The following CHRDL1 variants were observed in gnomAD, a reference collection of about 807,000 sequenced individuals.
CHRDL1 encodes chordin-like protein 1.
CHRDL1 carries 19 observed loss-of-function variants against 40.9 expected under a neutral mutation model. That is an observed-to-expected ratio of 0.46 (90% CI 0.32 to 0.68). The LOEUF is 0.68. Ranked by LOEUF, CHRDL1 falls within the 30% of genes least tolerant of loss-of-function variation. The pLI is 0.03. For synonymous variants in CHRDL1, 136 were observed against 123.4 expected (o/e 1.10, Z -0.68); for missense variants, 329 against 352.1 (o/e 0.93, Z 0.53).
chrX:110,784,531 C>CTGAGTAG (rs2089988261), intron 2 of CHRDL1, among the ~76,000 whole-genome samples: 3 of 109,744 alleles, frequency 2.7e-5, no homozygotes, highest in Non-Finnish European at 3.8e-5. Context: ...CCTGCCTCAG[C>CTGAGTAG]CTCCCGAGTA....
chrX:110,718,976 C>T (rs2070894974), intron 6 of CHRDL1, among the ~76,000 whole-genome samples: 1 of 111,544 alleles, frequency 9.0e-6, no homozygotes, highest in African/African-American at 3.3e-5. Flanking sequence ...GTAAGGGAAT[C>T]CTTTTTGTAA....
intron 10 of CHRDL1, 38 bp downstream of exon 10, chrX:110,681,444 C>T: frequency 8.8e-7 from 1 of 1,141,393 alleles, no homozygotes; most frequent in Non-Finnish European, 1.2e-6. Flanking sequence ...TTTCTGTGCC[C>T]CCTTACAAAG....
Position 110,792,215 on chromosome X carries a change from G to T in CHRDL1, c.-34C>A. 1.1e-6 allele frequency: 1 copy of T among 887,414 alleles called. No homozygotes were observed. Among genetic ancestry groups the T allele is most frequent in the Non-Finnish European group, 1.6e-6 (1 of 615,106 alleles). 73.1% of individuals were successfully genotyped at this position (887,414 alleles called of 1,213,427 possible). A position where few individuals can be genotyped will look rare whatever the true frequency, so the allele number is the denominator to read the frequency against. ...CTGCAAAAGGTGACAGAACCTTCAA[G>T]CTGTTGGGAAGAAAGCAGAAAAAAG... On this transcript the variant is annotated splice_region_variant and 5_prime_UTR_variant, in exon 2 of 12. Coordinates refer to ENST00000372042, the MANE Select transcript of CHRDL1 (RefSeq NM_001143981.2).
chrX:110,735,123 C>A (rs1331704231), intron 4 of CHRDL1, among the ~76,000 whole-genome samples: 1 of 111,166 alleles, frequency 9.0e-6, no homozygotes, highest in Non-Finnish European at 1.9e-5. Flanking sequence ...CTGGATGAGA[C>A]AGTGGGGAGT....
At chrX:110,691,170 C>T (rs1420381353) in intron 8 of CHRDL1, among the ~76,000 whole-genome samples, 1 of 106,649 alleles carries the variant, frequency 9.4e-6, no homozygotes, top group Non-Finnish European at 1.9e-5. Flanking sequence ...GCCGTGATGG[C>T]GCCATTACAC....
chrX:110,770,759 AGTTT>A (rs201448877), intron 2 of CHRDL1, among the ~76,000 whole-genome samples: 6,716 of 112,164 alleles, frequency 0.06, 208 homozygotes, highest in Middle Eastern at 0.1. Flanking sequence ...TATGCCAGTT[AGTTT>A]AACAACATAG....
At chrX:110,748,996 C>G (rs1011297949) in intron 4 of CHRDL1, among the ~76,000 whole-genome samples, 3 of 106,977 alleles carry the variant, frequency 2.8e-5, no homozygotes, top group Non-Finnish European at 5.8e-5. Flanking sequence ...AAAATAATCA[C>G]AAATTAAACA....
At chrX:110,773,467 G>A (rs140445197) in intron 2 of CHRDL1, among the ~76,000 whole-genome samples, 1,867 of 111,141 alleles carry the variant, frequency 0.017, 45 homozygotes, top group African/African-American at 0.058. Flanking sequence ...GGTGGCTCAC[G>A]CCTGTAATCC....
At chrX:110,733,007 A>C (rs376133262) in intron 4 of CHRDL1, among the ~76,000 whole-genome samples, 10 of 112,451 alleles carry the variant, frequency 8.9e-5, no homozygotes, top group African/African-American at 3.2e-4. Context: ...CAGGGAGTAA[A>C]GAAGCAACAT....
intron 2 of CHRDL1, among the ~76,000 whole-genome samples, chrX:110,781,532 T>A (rs1004818239): frequency 1.8e-5 from 2 of 111,844 alleles, no homozygotes; most frequent in African/African-American, 6.5e-5. Context: ...TATTTACCTA[T>A]TTAAAATATG....
At chrX:110,780,838 T>C (rs192564531) in intron 2 of CHRDL1, among the ~76,000 whole-genome samples, 3 of 111,407 alleles carry the variant, frequency 2.7e-5, no homozygotes, top group Admixed American at 1.9e-4. Flanking sequence ...ATATTCATTT[T>C]AGTAACAATT....
intron 5 of CHRDL1, among the ~76,000 whole-genome samples, chrX:110,720,177 C>T (rs1040298256): frequency 2.7e-5 from 3 of 111,360 alleles, no homozygotes; most frequent in African/African-American, 9.8e-5. Context: ...TAAGGTGGTA[C>T]AAAGTAGTCT....
intron 8 of CHRDL1, among the ~76,000 whole-genome samples, chrX:110,689,598 ATATATATC>A (rs1384469830): frequency 0.19 from 3,267 of 17,394 alleles, 630 homozygotes; most frequent in Middle Eastern, 0.26. Context: ...CTATATATCT[ATATATATC>A]TATATATCTA....
intron 8 of CHRDL1, among the ~76,000 whole-genome samples, chrX:110,689,262 T>C (rs12007570): frequency 1.0e-5 from 1 of 97,499 alleles, no homozygotes; most frequent in African/African-American, 3.7e-5. Flanking sequence ...TGCTTTTTTT[T>C]TTTTTTTTAA....
rs16986152 is a variant in CHRDL1, at chrX:110,762,608, T to C, written c.207+87A>G. On this transcript the variant is annotated intron_variant, in intron 3 of 11. Coordinates refer to ENST00000372042, the MANE Select transcript of CHRDL1 (RefSeq NM_001143981.2). ...TTTACTTTCTTTAAGGATTTTATCATCCATGGTCCCTGGCCATTTGGGCAC... is the reference window on the plus strand; with the variant it reads ...TTTACTTTCTTTAAGGATTTTATCACCCATGGTCCCTGGCCATTTGGGCAC... 7.9e-3 allele frequency: 4,316 copies of C among 545,548 alleles called. 120 individuals are homozygous for C. In the African/African-American group the frequency reaches 0.086, roughly 11 times the overall value. The allele number at this position is 545,548 out of a possible 1,213,427, so 45.0% of individuals were successfully genotyped here. A position where few individuals can be genotyped will look rare whatever the true frequency, so the allele number is the denominator to read the frequency against.
intron 6 of CHRDL1, among the ~76,000 whole-genome samples, chrX:110,715,246 A>T (rs921388868): frequency 8.9e-6 from 1 of 111,927 alleles, no homozygotes; most frequent in African/African-American, 3.2e-5. Context: ...TACATAAAAT[A>T]GCTAGTTCCA....
At chrX:110,776,598 C>T (rs949832354) in intron 2 of CHRDL1, among the ~76,000 whole-genome samples, 1 of 110,664 alleles carries the variant, frequency 9.0e-6, no homozygotes, top group African/African-American at 3.3e-5. Context: ...ATTTGATGTA[C>T]CCATAAACTG....
intron 6 of CHRDL1, among the ~76,000 whole-genome samples, chrX:110,716,668 G>A (rs2070847798): frequency 9.0e-6 from 1 of 110,741 alleles, no homozygotes; most frequent in South Asian, 3.9e-4. Flanking sequence ...GAAGTGGGAA[G>A]GCAGAAAAGA....
intron 4 of CHRDL1, among the ~76,000 whole-genome samples, chrX:110,737,606 G>A (rs999160985): frequency 1.8e-5 from 2 of 112,010 alleles, no homozygotes; most frequent in East Asian, 2.8e-4. Context: ...GTAGAAACAA[G>A]TCAGCTTCTC....
Sources: allele counts gnomAD v4.1 joint callset (sites outside exome capture counted in the v4.1 genomes callset), GRCh38; gene constraint gnomAD v4.1.1; transcripts MANE v1.5; gene names NCBI Gene and HGNC (gene_info 2026-07-23, HGNC 2026-07-21).